GOLGB1: variants seen among roughly 807,000 people sequenced by gnomAD.
GOLGB1 encodes the protein golgin B1.
Under a neutral mutation model 336.9 loss-of-function variants are expected in GOLGB1, and 174 were observed. The ratio of observed to expected loss-of-function variants is 0.52; its 90% CI spans 0.46 to 0.59. The LOEUF is 0.59. Among genes scored for constraint, GOLGB1 ranks in the 20% least tolerant of loss-of-function variants. The pLI is 0.00. For synonymous variants in GOLGB1, 1,208 were observed against 1,289.2 expected (o/e 0.94, Z 1.35); for missense variants, 3,331 against 3,645.3 (o/e 0.91, Z 2.22).
At chr3:121,734,523 C>T (rs149749090) in intron 1 of GOLGB1, among the ~76,000 whole-genome samples, 154 of 151,506 alleles carry the variant, frequency 1.0e-3, no homozygotes, top group Middle Eastern at 3.5e-3. Flanking sequence ...TAAAGTAACA[C>T]ACCTGATAAA....
At position 121,698,202 on chromosome 3, in the gene GOLGB1, A is replaced by T; in HGVS notation, c.2321T>A (p.Leu774Gln). 1 of 1,613,816 alleles carries T rather than the reference A, an allele frequency of 6.2e-7. No homozygotes were observed. The highest frequency in any genetic ancestry group is 1.1e-5 in the South Asian group (1 of 91,062). Reference protein sequence around the residue: ...VTELRAQVKQLEMNLAEAERQ... With the variant: ...VTELRAQVKQQEMNLAEAERQ... The stretch of plus-strand genomic sequence containing the variant: ...TTCTGCTTCTGCAAGGTTCATTTCC[A>T]GTTGCTTTACCTGAGCCCTCAATTC... The change falls in exon 13 of 22, where the codon CTG (leucine) becomes CAG (glutamine). Residue 774 changes from leucine (L) to glutamine (Q), a missense_variant. By Grantham distance (113) the Leu-to-Gln change is moderately radical. Coordinates refer to ENST00000614479, the MANE Select transcript of GOLGB1 (RefSeq NM_001366282.2).
In GOLGB1 at chr3:121,717,088, TC is replaced by T; in HGVS notation, c.936del (p.Asn313ThrfsTer39). ...TCCTCTCTTTCTGTTTCCACAGTGT[TC>T]CTCAAAGTATTATGCTCAGCTTCCA... ...QQMEAEHNTL[R>X]NTVETEREES... On this transcript the variant is annotated frameshift_variant, in exon 9 of 22. Coordinates refer to ENST00000614479, the MANE Select transcript of GOLGB1 (RefSeq NM_001366282.2). LOFTEE classifies it high-confidence loss of function. The T allele has an allele frequency of 1.9e-6, 3 of 1,613,114 alleles. No individual in the cohort carries two copies. Among genetic ancestry groups the T allele is most frequent in the Non-Finnish European group, 2.5e-6 (3 of 1,179,148 alleles).
At chr3:121,679,639 AC>A (rs772748588) in intron 15 of GOLGB1, among the ~76,000 whole-genome samples, 4 of 152,212 alleles carry the variant, frequency 2.6e-5, no homozygotes, top group African/African-American at 4.8e-5. Flanking sequence ...ACTCCCATTA[AC>A]AAAGACCTGG....
chr3:121,675,648 T>C (rs1940272580), intron 17 of GOLGB1, among the ~76,000 whole-genome samples: 1 of 152,240 alleles, frequency 6.6e-6, no homozygotes, highest in African/African-American at 2.4e-5. Context: ...TCTGGTATGT[T>C]CTGATTCTAG....
chr3:121,701,976 G>A (rs1022246561), intron 11 of GOLGB1, among the ~76,000 whole-genome samples: 2 of 152,044 alleles, frequency 1.3e-5, no homozygotes, highest in African/African-American at 2.4e-5. Context: ...TATGCTAGTC[G>A]AGGCCTGAAA....
chr3:121,711,858 A>AT (rs1944387195), intron 10 of GOLGB1, among the ~76,000 whole-genome samples: 1 of 152,228 alleles, frequency 6.6e-6, no homozygotes, highest in Non-Finnish European at 1.5e-5. Flanking sequence ...ATATTCGTAG[A>AT]TTTAAAAGTA....
At position 121,696,790 on chromosome 3, in the gene GOLGB1, C is replaced by T. The variant is rs762037408; in HGVS notation, c.3733G>A (p.Val1245Ile). Reference protein sequence around the residue: ...GDQLRQLQIQVRESIDGKLPS... With the variant: ...GDQLRQLQIQIRESIDGKLPS... ...AGTTTTCCGTCTATGGATTCCCTTA[C>T]TTGAATCTGGAGTTGCCTTAGCTGG... The change falls in exon 13 of 22, where the codon GTA becomes ATA. Residue 1245 changes from valine (V) to isoleucine (I), a missense_variant. Transcript: ENST00000614479. 76 of 1,614,014 alleles carry T rather than the reference C, an allele frequency of 4.7e-5. No homozygotes were observed. The South Asian group carries it at 8.2e-4, about 17-fold the overall frequency.
intron 14 of GOLGB1, among the ~76,000 whole-genome samples, chr3:121,689,768 C>G (rs1483645195): frequency 6.6e-6 from 1 of 152,024 alleles, no homozygotes; most frequent in Non-Finnish European, 1.5e-5. Flanking sequence ...CCTACAAATA[C>G]AAAGCCTTGA....
chr3:121,712,293 C>T (rs1426133020), intron 10 of GOLGB1, among the ~76,000 whole-genome samples: 3 of 152,036 alleles, frequency 2.0e-5, no homozygotes, highest in Non-Finnish European at 4.4e-5. Flanking sequence ...CACCTTACAA[C>T]ACACACAAAA....
intron 3 of GOLGB1, 71 bp from the exon 4 acceptor site, chr3:121,729,411 T>G: frequency 8.4e-7 from 1 of 1,189,450 alleles, no homozygotes; most frequent in Non-Finnish European, 1.2e-6. Flanking sequence ...CTAAAAGTTA[T>G]TTTTATTATT....
chr3:121,677,311 G>A lies in GOLGB1; in HGVS notation c.9013C>T (p.Pro3005Ser). 1 of 1,610,976 alleles carries A rather than the reference G, an allele frequency of 6.2e-7. No individual in the cohort carries two copies. Among genetic ancestry groups the A allele is most frequent in the Non-Finnish European group, 8.5e-7 (1 of 1,177,592 alleles). Residue 3005 changes from proline (P) to serine (S), a missense_variant, in exon 16 of 22, where the codon CCT (proline) becomes TCT (serine). Physicochemically the swap from Pro to Ser is moderately conservative, Grantham distance 74. Coordinates refer to ENST00000614479, the MANE Select transcript of GOLGB1 (RefSeq NM_001366282.2). ...TGTCTTTGGTATTGCACTTTGAGAG[G>A]CTGAGTCTGGGAGGAAGAAGACCTC... is the stretch of plus-strand genomic sequence containing the variant. ...ELRSSSSQTQ[P>S]LKVQYQRQAS...
rs188677278 is a variant in GOLGB1 at position 121,663,845 on chromosome 3, A to G, written c.*635T>C. On this transcript the variant is annotated 3_prime_UTR_variant, in exon 22 of 22. Transcript: ENST00000614479. ...AAAGGGATTCTATCCTTATAGTCTA[A>G]GACCTGAAATTCTCCCTCCAATTAT... 1 of 153,602 alleles carries G rather than the reference A, an allele frequency of 6.5e-6. No homozygotes were observed. The highest frequency in any genetic ancestry group is 1.5e-5 in the Non-Finnish European group (1 of 68,882). The allele number at this position is 153,602 out of a possible 1,614,324, so 9.5% of individuals were successfully genotyped here.
At chr3:121,678,641 C>T (rs1940701389) in intron 15 of GOLGB1, among the ~76,000 whole-genome samples, 1 of 151,568 alleles carries the variant, frequency 6.6e-6, no homozygotes, top group Non-Finnish European at 1.5e-5. Context: ...GATGTTGGCT[C>T]ACTGCAACCT....
chr3:121,664,747 TCA>T (rs1938358188), intron 21 of GOLGB1, 133 bp from the exon 22 acceptor site: 1 of 934,518 alleles, frequency 1.1e-6, no homozygotes, highest in Admixed American at 2.2e-5. Flanking sequence ...GAAAGTTGCC[TCA>T]GAGTCAACAA....
chr3:121,688,309 C>T (rs1352402457), intron 14 of GOLGB1, among the ~76,000 whole-genome samples: 1 of 152,190 alleles, frequency 6.6e-6, no homozygotes, highest in Non-Finnish European at 1.5e-5. Context: ...CCTCAGCCTG[C>T]CGAGTGCCTG....
chr3:121,693,694 T>G (rs770304307), intron 13 of GOLGB1, 47 bp downstream of exon 13: 26 of 1,358,924 alleles, frequency 1.9e-5, no homozygotes, highest in Non-Finnish European at 2.6e-5. Context: ...GAGACTTTCT[T>G]TGCTTGAAGT....
chr3:121,731,840 A>G (rs550513685), intron 1 of GOLGB1, among the ~76,000 whole-genome samples: 115 of 152,244 alleles, frequency 7.6e-4, no homozygotes, highest in African/African-American at 2.7e-3. Flanking sequence ...TCAGAGTAGA[A>G]ATTAATAAAA....
Position 121,664,632 on chromosome 3 carries a change from AAGTC to A in GOLGB1, c.9661-22_9661-19del, listed in dbSNP as rs1938338956. On this transcript the variant is annotated intron_variant, in intron 21 of 21. Coordinates refer to ENST00000614479, the MANE Select transcript of GOLGB1 (RefSeq NM_001366282.2). The stretch of plus-strand genomic sequence containing the variant: ...CTCCGGGTCTGAAAGAAAAATGTGA[AAGTC>A]AGAGAGTTTTCACCCTATAGGGCTA... The A allele has an allele frequency of 2.5e-6, 4 of 1,613,092 alleles. No homozygotes were observed. The South Asian group carries it at 3.3e-5, about 13-fold the overall frequency.
intron 4 of GOLGB1, 67 bp from the exon 5 acceptor site, chr3:121,727,108 T>G: frequency 1.1e-6 from 1 of 920,028 alleles, no homozygotes; most frequent in Non-Finnish European, 1.5e-6. Flanking sequence ...GATATTTTCT[T>G]CTAATTTTTC....
Sources: allele counts gnomAD v4.1 joint callset (sites outside exome capture counted in the v4.1 genomes callset), GRCh38; gene constraint gnomAD v4.1.1; transcripts MANE v1.5; gene names NCBI Gene and HGNC (gene_info 2026-07-23, HGNC 2026-07-21).